Variants in ASIC2 observed in about 807,000 individuals in gnomAD.
ASIC2 encodes the protein acid-sensing ion channel 2.
In ASIC2, 25 loss-of-function variants were observed where a neutral mutation model predicts 57.3. The ratio of observed to expected loss-of-function variants is 0.44; its 90% CI spans 0.32 to 0.61. ASIC2 has a LOEUF of 0.61. Ranked by LOEUF, ASIC2 falls within the 20% of genes least tolerant of loss-of-function variation. ASIC2 has a pLI of 0.06. For missense variants in ASIC2, 641 were observed against 738.1 expected, an observed-to-expected ratio of 0.87 and a Z score of 1.52; for synonymous variants, 319 against 307.5, an observed-to-expected ratio of 1.04 and a Z score of -0.39.
intron 1 of ASIC2, among the ~76,000 whole-genome samples, chr17:33,612,575 G>GCCT (rs1905445994): frequency 1.3e-5 from 2 of 152,208 alleles, no homozygotes; most frequent in African/African-American, 4.8e-5. Flanking sequence ...ACAGTTCCCA[G>GCCT]CCTCCCCTGC....
chr17:34,128,239 T>C (rs1274502872), intron 1 of ASIC2, among the ~76,000 whole-genome samples: 1 of 152,096 alleles, frequency 6.6e-6, no homozygotes, highest in Non-Finnish European at 1.5e-5. Flanking sequence ...GGCAAAGTAG[T>C]CTTATCAAAG....
chr17:33,420,693 T>C (rs2062028134), intron 1 of ASIC2, among the ~76,000 whole-genome samples: 1 of 152,128 alleles, frequency 6.6e-6, no homozygotes, highest in Non-Finnish European at 1.5e-5. Context: ...CCAAAATAGT[T>C]TGAATTTGTA....
At chr17:34,022,083 C>T (rs898503665) in intron 1 of ASIC2, among the ~76,000 whole-genome samples, 2 of 152,112 alleles carry the variant, frequency 1.3e-5, no homozygotes, top group Non-Finnish European at 2.9e-5. Flanking sequence ...GTGATCCGCC[C>T]ACCTCGGCCT....
At chr17:33,202,417 A>G (rs1906903075) in intron 1 of ASIC2, among the ~76,000 whole-genome samples, 2 of 152,180 alleles carry the variant, frequency 1.3e-5, no homozygotes, top group South Asian at 4.1e-4. Flanking sequence ...GAGCAGGAAG[A>G]TATTAAGTGT....
At chr17:34,039,503 C>G (rs751156050) in intron 1 of ASIC2, 90 of 1,613,742 alleles carry the variant, frequency 5.6e-5, no homozygotes, top group Non-Finnish European at 7.1e-5. Flanking sequence ...GGCTGTTCTA[C>G]TCGTCGCGGT....
chr17:33,587,100 C>G (rs1904665187), intron 1 of ASIC2, among the ~76,000 whole-genome samples: 1 of 152,212 alleles, frequency 6.6e-6, no homozygotes, highest in Admixed American at 6.5e-5. Context: ...TCTGTTGGAA[C>G]ACAGCCTATT....
At chr17:33,701,292 A>T (rs1366795433) in intron 1 of ASIC2, among the ~76,000 whole-genome samples, 2 of 152,162 alleles carry the variant, frequency 1.3e-5, no homozygotes, top group Non-Finnish European at 2.9e-5. Flanking sequence ...AATACCGACC[A>T]ATCTCTTGTT....
At chr17:33,163,064 C>T (rs1426131584) in intron 1 of ASIC2, among the ~76,000 whole-genome samples, 1 of 152,132 alleles carries the variant, frequency 6.6e-6, no homozygotes, top group African/African-American at 2.4e-5. Context: ...AGTCCTGTCC[C>T]CAGGGTGCTC....
At chr17:34,092,578 G>T (rs1350758840) in intron 1 of ASIC2, among the ~76,000 whole-genome samples, 1 of 152,214 alleles carries the variant, frequency 6.6e-6, no homozygotes, top group Non-Finnish European at 1.5e-5. Flanking sequence ...TTTGGAAAGA[G>T]ACTCACGTGT....
intron 3 of ASIC2, among the ~76,000 whole-genome samples, chr17:33,061,351 A>T (rs1022392195): frequency 2.0e-5 from 3 of 152,130 alleles, no homozygotes; most frequent in Admixed American, 1.3e-4. Context: ...TACCTAATTT[A>T]TTGAGAGTTT....
intron 1 of ASIC2, among the ~76,000 whole-genome samples, chr17:33,981,870 T>G (rs1168888577): frequency 6.6e-6 from 1 of 152,198 alleles, no homozygotes; most frequent in African/African-American, 2.4e-5. Flanking sequence ...TTATCTAAGG[T>G]CACATAGCCT....
At chr17:33,357,255 G>A (rs768216782) in intron 1 of ASIC2, among the ~76,000 whole-genome samples, 4 of 152,034 alleles carry the variant, frequency 2.6e-5, no homozygotes, top group Non-Finnish European at 4.4e-5. Context: ...TATGCACAGG[G>A]GGTACAGTTG....
At chr17:33,672,530 T>C (rs1163387029) in intron 1 of ASIC2, among the ~76,000 whole-genome samples, 1 of 152,154 alleles carries the variant, frequency 6.6e-6, no homozygotes, top group Non-Finnish European at 1.5e-5. Context: ...GATAGGGGCA[T>C]TTTTCTTAGC....
intron 1 of ASIC2, among the ~76,000 whole-genome samples, chr17:33,251,288 C>A (rs1001512191): frequency 2.0e-5 from 3 of 152,084 alleles, no homozygotes; most frequent in Admixed American, 2.0e-4. Flanking sequence ...GAGTGAAAAC[C>A]AGCTTTAGTT....
chr17:34,042,048 T>TA (rs1567798279), intron 1 of ASIC2, among the ~76,000 whole-genome samples: 1 of 152,216 alleles, frequency 6.6e-6, no homozygotes, highest in African/African-American at 2.4e-5. Flanking sequence ...ACTGCACACT[T>TA]ACTAGAATGT....
intron 1 of ASIC2, among the ~76,000 whole-genome samples, chr17:33,517,115 A>G (rs571455265): frequency 5.3e-5 from 8 of 152,052 alleles, no homozygotes; most frequent in African/African-American, 1.9e-4. Flanking sequence ...CTTTTGCTGC[A>G]TATTATTATT....
At chr17:34,048,890 G>A (rs185288856) in intron 1 of ASIC2, among the ~76,000 whole-genome samples, 2 of 152,300 alleles carry the variant, frequency 1.3e-5, no homozygotes, top group Admixed American at 1.3e-4. Flanking sequence ...GCTTCTCTGT[G>A]AAAATTAAAT....
chr17:33,579,607 T>C (rs562285491), intron 1 of ASIC2, among the ~76,000 whole-genome samples: 4 of 151,572 alleles, frequency 2.6e-5, no homozygotes, highest in East Asian at 3.9e-4. Flanking sequence ...GTGTCGGGAG[T>C]TTGTTCCTTC....
chr17:34,004,699 C>T (rs972733130), intron 1 of ASIC2: 1 of 152,140 alleles, frequency 6.6e-6, no homozygotes, highest in African/African-American at 2.4e-5. Flanking sequence ...AAAGACTAAA[C>T]CATTGCAGAG....
Sources: gnomAD v4.1 joint callset for allele counts (sites outside exome capture counted in the v4.1 genomes callset) on GRCh38, gnomAD v4.1.1 for gene constraint, MANE v1.5 for transcripts, NCBI Gene and HGNC (gene_info 2026-07-23, HGNC 2026-07-21) for gene names.